BRSK2: variants seen among roughly 807,000 people sequenced by gnomAD.
BRSK2 encodes serine/threonine-protein kinase BRSK2.
A neutral mutation model predicts 83.3 loss-of-function variants in BRSK2; 19 were observed. The ratio of observed to expected loss-of-function variants is 0.23; its 90% CI spans 0.16 to 0.33. The LOEUF (loss-of-function observed/expected upper bound fraction) is 0.33, where lower values mean the gene tolerates loss of function less well. Among genes scored for constraint, BRSK2 ranks in the 10% least tolerant of loss-of-function variants. BRSK2 has a pLI of 1.00. For missense variants in BRSK2, 798 were observed against 1,042.3 expected (o/e 0.77, Z 3.23); for synonymous variants, 519 against 435.4 (o/e 1.19, Z -2.39).
intron 1 of BRSK2, among the ~76,000 whole-genome samples, chr11:1,394,316 C>T (rs1184983289): frequency 8.2e-6 from 1 of 121,300 alleles, no homozygotes; most frequent in Non-Finnish European, 1.7e-5. Context: ...GGAGATGGGC[C>T]CCTGGAGATG....
chr11:1,421,554 C>G (rs11026443), intron 1 of BRSK2, among the ~76,000 whole-genome samples: 1 of 152,196 alleles, frequency 6.6e-6, no homozygotes, highest in Non-Finnish European at 1.5e-5. Flanking sequence ...TCTTTTCCAA[C>G]GTGAGCAGTT....
At position 1,462,506 on chromosome 11, in the gene BRSK2, AG is replaced by A. The variant is rs1847612548; in HGVS notation, c.*1787del. On this transcript the variant is annotated 3_prime_UTR_variant, in exon 20 of 20. Coordinates refer to ENST00000528841, the MANE Select transcript of BRSK2 (RefSeq NM_001256627.2). ...CAAACGCCAGGCGGTACAGGCGGGA[AG>A]GGGCTCTCCACGGAGATCGAGGACA... 6.6e-6 allele frequency: 1 copy of A among 152,246 alleles called. No individual in the cohort carries two copies. Among genetic ancestry groups the A allele is most frequent in the Non-Finnish European group, 1.5e-5 (1 of 68,068 alleles). The allele number at this position is 152,246 out of a possible 1,614,324, so 9.4% of individuals were successfully genotyped here.
chr11:1,422,576 C>A (rs1825087786), intron 1 of BRSK2, among the ~76,000 whole-genome samples: 1 of 152,122 alleles, frequency 6.6e-6, no homozygotes, highest in South Asian at 2.1e-4. Flanking sequence ...GGCTGACAGT[C>A]CCCACTGGGT....
chr11:1,443,658 G>A (rs765582718), intron 8 of BRSK2, 23 bp downstream of exon 8: 54 of 1,543,522 alleles, frequency 3.5e-5, no homozygotes, highest in Non-Finnish European at 4.5e-5. Flanking sequence ...GGAGCGGGGC[G>A]GCCCCAGAGC....
Position 1,399,510 on chromosome 11 carries a change from T to TGAGAGGG in BRSK2, c.91+9139_91+9145dup, listed in dbSNP as rs527248555. On this transcript the variant is annotated intron_variant, in intron 1 of 19. Transcript: ENST00000528841. ...GTGGAGCTCTCTCTGCTGGGGACAA[T>TGAGAGGG]GAGAGGGGAGCCGTGAGCCGTGATA... Among the ~76,000 whole-genome samples the TGAGAGGG allele has an allele frequency of 6.2e-4, 95 of 152,008 alleles. 1 individual carries two copies. The highest frequency in any genetic ancestry group is 6.8e-3 in the Middle Eastern group (2 of 294).
intron 1 of BRSK2, chr11:1,410,917 C>T: frequency 3.0e-6 from 3 of 988,554 alleles, no homozygotes; most frequent in Non-Finnish European, 3.6e-6. Flanking sequence ...GTGGGTGTTC[C>T]CCAGTCTCAG....
chr11:1,447,280 TGCGTGGCC>T (rs1852281218), intron 12 of BRSK2, among the ~76,000 whole-genome samples: 1 of 152,202 alleles, frequency 6.6e-6, no homozygotes, highest in Non-Finnish European at 1.5e-5. Flanking sequence ...GCCTCCTGCC[TGCGTGGCC>T]ACCTCCCCGG....
chr11:1,400,216 C>T (rs1441076999), intron 1 of BRSK2, among the ~76,000 whole-genome samples: 1 of 152,222 alleles, frequency 6.6e-6, no homozygotes, highest in African/African-American at 2.4e-5. Flanking sequence ...CTGGGCTCTG[C>T]GTGGGGCCGT....
chr11:1,399,057 C>T (rs1248446819), intron 1 of BRSK2, among the ~76,000 whole-genome samples: 2 of 152,192 alleles, frequency 1.3e-5, no homozygotes, highest in Non-Finnish European at 2.9e-5. Flanking sequence ...GACTCCGTCC[C>T]TTCCACAGCA....
At chr11:1,402,842 C>T (rs1163732209) in intron 1 of BRSK2, among the ~76,000 whole-genome samples, 1 of 152,166 alleles carries the variant, frequency 6.6e-6, no homozygotes, top group African/African-American at 2.4e-5. Flanking sequence ...CGGCGCTGAG[C>T]TCGGCAGAGT....
At chr11:1,440,658 C>T in intron 3 of BRSK2, 130 bp from the exon 4 acceptor site, 2 of 1,259,632 alleles carry the variant, frequency 1.6e-6, no homozygotes, top group Non-Finnish European at 1.1e-6. Context: ...TCAGCTGCCC[C>T]CCCAGCCAGC....
At chr11:1,392,183 GTGC>G (rs1845768644) in intron 1 of BRSK2, among the ~76,000 whole-genome samples, 1 of 152,096 alleles carries the variant, frequency 6.6e-6, no homozygotes, top group South Asian at 2.1e-4. Flanking sequence ...TGGAGTGTGT[GTGC>G]TGGGCCACTT....
At chr11:1,391,826 T>C (rs7395567) in intron 1 of BRSK2, among the ~76,000 whole-genome samples, 94,582 of 151,536 alleles carry the variant, frequency 0.62, 30,804 homozygotes, top group Non-Finnish European at 0.73. Context: ...AGGAAACATC[T>C]GCGTGTAAAT....
Position 1,436,068 on chromosome 11 carries a change from C to T in BRSK2, c.120C>T (p.Val40=), listed in dbSNP as rs777512058. ...TGLVKLGVHC[V]TCQKVAIKIV... is the part of the protein sequence containing the mutation. ...TGGTGAAGCTGGGGGTTCACTGCGT[C>T]ACCTGCCAGAAGGTGGCCATCAAGA... The change falls in exon 2 of 20, where the codon GTC becomes GTT. Residue 40 remains valine, a synonymous_variant. Transcript: ENST00000528841. 19 of 1,608,704 alleles carry T rather than the reference C, an allele frequency of 1.2e-5. No homozygotes were observed. The highest frequency in any genetic ancestry group is 6.7e-5 in the Admixed American group (4 of 59,570).
chr11:1,418,797 G>T (rs954169661), intron 1 of BRSK2, among the ~76,000 whole-genome samples: 3 of 152,250 alleles, frequency 2.0e-5, no homozygotes, highest in Non-Finnish European at 2.9e-5. Context: ...TTGGGCATGT[G>T]GGGGGCTGCT....
At chr11:1,437,466 T>C (rs992651026) in intron 2 of BRSK2, among the ~76,000 whole-genome samples, 1 of 152,202 alleles carries the variant, frequency 6.6e-6, no homozygotes, top group Non-Finnish European at 1.5e-5. Context: ...CTTGCATGTC[T>C]GAGGGAGGGG....
intron 12 of BRSK2, among the ~76,000 whole-genome samples, chr11:1,448,693 G>GGGT (rs1852548660): frequency 6.6e-6 from 1 of 152,204 alleles, no homozygotes; most frequent in Non-Finnish European, 1.5e-5. Context: ...TGAAAGCTCT[G>GGGT]GGTCCAGTTC....
At chr11:1,436,250 G>GGGGGGGGGGGGGGGGT in intron 2 of BRSK2, 116 bp downstream of exon 2, 1 of 168,876 alleles carries the variant, frequency 5.9e-6, no homozygotes, top group Non-Finnish European at 9.5e-6. Context: ...GGGGGGGCGG[G>GGGGGGGGGGGGGGGGT]CCCTGCAGGC....
chr11:1,408,042 C>T (rs1225150837), intron 1 of BRSK2, among the ~76,000 whole-genome samples: 1 of 152,240 alleles, frequency 6.6e-6, no homozygotes, highest in East Asian at 1.9e-4. Flanking sequence ...GGTTCCTGGT[C>T]CCAGGTCCTT....
Sources: gnomAD v4.1 joint callset for allele counts (sites outside exome capture counted in the v4.1 genomes callset) on GRCh38, gnomAD v4.1.1 for gene constraint, MANE v1.5 for transcripts, NCBI Gene and HGNC (gene_info 2026-07-23, HGNC 2026-07-21) for gene names.